The following KCNMB2 variants were observed in gnomAD, a reference collection of about 807,000 sequenced individuals.
The protein encoded by KCNMB2 is calcium-activated potassium channel subunit beta-2.
A neutral mutation model predicts 24.5 loss-of-function variants in KCNMB2; 9 were observed. The observed-to-expected ratio is 0.37, with a 90% CI of 0.22 to 0.64. The LOEUF (loss-of-function observed/expected upper bound fraction) is 0.64. Ranked by LOEUF, KCNMB2 falls within the 30% of genes least tolerant of loss-of-function variation. KCNMB2 has a pLI of 0.63. For synonymous variants in KCNMB2, 109 were observed against 104.4 expected, an observed-to-expected ratio of 1.04 and a Z score of -0.27; for missense variants, 226 against 284.3, an observed-to-expected ratio of 0.79 and a Z score of 1.47.
intron 1 of KCNMB2, among the ~76,000 whole-genome samples, chr3:178,653,531 T>C (rs1183732310): frequency 6.6e-6 from 1 of 152,186 alleles, no homozygotes; most frequent in Admixed American, 6.5e-5. Context: ...TTAAGTACGA[T>C]GTTTGCTCTA....
chr3:178,639,216 A>G (rs1384552689), intron 1 of KCNMB2, among the ~76,000 whole-genome samples: 1 of 152,202 alleles, frequency 6.6e-6, no homozygotes, highest in African/African-American at 2.4e-5. Context: ...AAATCTTGAC[A>G]TTAATTATCT....
chr3:178,761,998 C>T (rs1266695733), intron 1 of KCNMB2, among the ~76,000 whole-genome samples: 1 of 152,016 alleles, frequency 6.6e-6, no homozygotes, highest in African/African-American at 2.4e-5. Context: ...TGTGAAACCC[C>T]GTCTCTACTA....
At chr3:178,601,272 C>T (rs938073491) in intron 1 of KCNMB2, among the ~76,000 whole-genome samples, 2 of 152,042 alleles carry the variant, frequency 1.3e-5, no homozygotes, top group Non-Finnish European at 2.9e-5. Flanking sequence ...TGCAGCAAAC[C>T]ACCATGGCAC....
intron 1 of KCNMB2, among the ~76,000 whole-genome samples, chr3:178,568,894 A>AGATAGATAGAT (rs1553813642): frequency 3.4e-4 from 44 of 127,626 alleles, no homozygotes; most frequent in Non-Finnish European, 5.6e-4. Context: ...ATAGATAGAT[A>AGATAGATAGAT]GATAGATGGA....
In KCNMB2 at chr3:178,563,481, G is replaced by C. The variant is rs186499141; in HGVS notation, c.-68+26770G>C. 2.6e-5 allele frequency among the ~76,000 whole-genome samples: 4 copies of C among 152,214 alleles called. No individual in the cohort carries two copies. In the East Asian group the frequency reaches 7.7e-4, roughly 29 times the overall value. On this transcript the variant is annotated intron_variant, in intron 1 of 4. Coordinates refer to ENST00000452583, the MANE Select transcript of KCNMB2 (RefSeq NM_181361.3). Reference sequence around the variant, plus strand: ...TGGAGACTACCAGGGTCCAGGCCTAGATGGTTCTCGAAGGTAGCTTATAAA... The same window carrying C: ...TGGAGACTACCAGGGTCCAGGCCTACATGGTTCTCGAAGGTAGCTTATAAA...
chr3:178,580,363 A>T (rs1371362777), intron 1 of KCNMB2, among the ~76,000 whole-genome samples: 1 of 152,170 alleles, frequency 6.6e-6, no homozygotes, highest in East Asian at 1.9e-4. Flanking sequence ...TATTGATACA[A>T]TGTATCAAAA....
chr3:178,691,775 T>C lies in KCNMB2; in HGVS notation c.-67-115568T>C, dbSNP rs946757890. ...TATACTCCTTTGGGGATATACCTAG[T>C]AATTGTTGGGTGGAATGGTATTTCT... On this transcript the variant is annotated intron_variant, in intron 1 of 4. Coordinates refer to ENST00000452583, the MANE Select transcript of KCNMB2 (RefSeq NM_181361.3). Among the ~76,000 whole-genome samples the C allele has an allele frequency of 3.3e-5, 5 of 152,264 alleles. No individual in the cohort carries two copies. In the East Asian group the frequency reaches 9.7e-4, roughly 29 times the overall value.
intron 1 of KCNMB2, among the ~76,000 whole-genome samples, chr3:178,586,987 C>A (rs983185486): frequency 6.6e-6 from 1 of 152,064 alleles, no homozygotes; most frequent in African/African-American, 2.4e-5. Flanking sequence ...ATTAAAACCA[C>A]CTTTTGGATA....
chr3:178,549,589 A>G (rs2108453343), intron 1 of KCNMB2, among the ~76,000 whole-genome samples: 1 of 150,458 alleles, frequency 6.6e-6, no homozygotes, highest in East Asian at 2.0e-4. Context: ...AGCCTCCCAG[A>G]GTGCTGGGAT....
intron 1 of KCNMB2, among the ~76,000 whole-genome samples, chr3:178,697,739 A>T (rs1353356346): frequency 6.6e-6 from 1 of 152,130 alleles, no homozygotes; most frequent in Non-Finnish European, 1.5e-5. Flanking sequence ...GTGGCTGGTA[A>T]TGGTCTTTCC....
intron 1 of KCNMB2, among the ~76,000 whole-genome samples, chr3:178,736,294 T>C (rs573322578): frequency 1.3e-5 from 2 of 152,344 alleles, no homozygotes; most frequent in Non-Finnish European, 2.9e-5. Context: ...ATAACCCATC[T>C]AAACGGGTTA....
intron 1 of KCNMB2, among the ~76,000 whole-genome samples, chr3:178,611,597 C>T (rs771481248): frequency 2.6e-4 from 40 of 152,132 alleles, no homozygotes; most frequent in Middle Eastern, 3.4e-3. Context: ...CCCAGCTATT[C>T]GGGAGGCTGA....
intron 1 of KCNMB2, among the ~76,000 whole-genome samples, chr3:178,769,980 A>G (rs1712278670): frequency 6.6e-6 from 1 of 152,252 alleles, no homozygotes; most frequent in African/African-American, 2.4e-5. Context: ...TCAATAATTT[A>G]TACAATTTAT....
chr3:178,734,405 C>T (rs1490140428), intron 1 of KCNMB2, among the ~76,000 whole-genome samples: 1 of 152,270 alleles, frequency 6.6e-6, no homozygotes, highest in African/African-American at 2.4e-5. Flanking sequence ...AGTCTCCCTT[C>T]ACTAAAATAA....
intron 1 of KCNMB2, among the ~76,000 whole-genome samples, chr3:178,751,699 A>G (rs2108389809): frequency 6.7e-6 from 1 of 148,258 alleles, no homozygotes; most frequent in East Asian, 2.1e-4. Flanking sequence ...GGAAATGTTT[A>G]TTTGGAGAGT....
chr3:178,579,726 G>C (rs1717128378), intron 1 of KCNMB2, among the ~76,000 whole-genome samples: 1 of 152,154 alleles, frequency 6.6e-6, no homozygotes, highest in Admixed American at 6.5e-5. Context: ...ACTACCATCA[G>C]AGAACACTAT....
chr3:178,842,643 T>C lies in KCNMB2; in HGVS notation c.424-10T>C. 2 of 1,571,248 alleles carry C rather than the reference T, an allele frequency of 1.3e-6. No individual in the cohort carries two copies. The highest frequency in any genetic ancestry group is 1.1e-5 in the South Asian group (1 of 88,418). On this transcript the variant is annotated splice_polypyrimidine_tract_variant and intron_variant, in intron 4 of 4. Transcript: ENST00000452583. The stretch of plus-strand genomic sequence containing the variant: ...TATCTTCTAGTAACAGTTTATCTTA[T>C]TCTCCACAGTGCTCCTATATACCTA...
intron 1 of KCNMB2, among the ~76,000 whole-genome samples, chr3:178,588,870 A>G (rs897232415): frequency 2.0e-5 from 3 of 152,192 alleles, no homozygotes; most frequent in African/African-American, 7.2e-5. Flanking sequence ...GGACTATTGT[A>G]AGTAATTTAT....
At chr3:178,572,906 C>T (rs1716854401) in intron 1 of KCNMB2, among the ~76,000 whole-genome samples, 1 of 152,116 alleles carries the variant, frequency 6.6e-6, no homozygotes, top group Admixed American at 6.5e-5. Flanking sequence ...TATAACTGGA[C>T]ACGTTTTAAG....
Sources: allele counts gnomAD v4.1 joint callset (sites outside exome capture counted in the v4.1 genomes callset), GRCh38; gene constraint gnomAD v4.1.1; transcripts MANE v1.5; gene names NCBI Gene and HGNC (gene_info 2026-07-23, HGNC 2026-07-21).